The following TTC21B variants were observed in gnomAD, a reference collection of about 807,000 sequenced individuals.
TTC21B encodes the protein tetratricopeptide repeat protein 21B.
A neutral mutation model predicts 175.1 loss-of-function variants in TTC21B; 127 were observed. The observed-to-expected ratio is 0.73, with a 90% confidence interval of 0.63 to 0.84. TTC21B has a LOEUF of 0.84. TTC21B is among the 40% of genes least tolerant of loss of function. The probability of loss-of-function intolerance (pLI) is 0.00; values close to 1 mark genes in which losing one functional copy is unlikely to be tolerated. For synonymous variants in TTC21B, 524 were observed against 524.5 expected (o/e 1.00, Z 0.01); for missense variants, 1,561 against 1,558.3 (o/e 1.00, Z -0.03).
intron 22 of TTC21B, 124 bp downstream of exon 22, chr2:165,898,562 A>C: frequency 1.4e-6 from 1 of 733,050 alleles, no homozygotes; most frequent in Non-Finnish European, 2.5e-6. Context: ...CCATGTGTGG[A>C]ATAAACAGAC....
chr2:165,904,582 T>C (rs182591124), intron 19 of TTC21B, among the ~76,000 whole-genome samples: 85 of 152,332 alleles, frequency 5.6e-4, no homozygotes, highest in African/African-American at 1.8e-3. Context: ...ACTAGTATAG[T>C]ATCCTGGAAA....
chr2:165,903,760 T>G (rs1184170282), intron 19 of TTC21B, among the ~76,000 whole-genome samples: 1 of 152,214 alleles, frequency 6.6e-6, no homozygotes, highest in African/African-American at 2.4e-5. Flanking sequence ...GCAAAAACAC[T>G]ATGACAGAAC....
chr2:165,924,417 A>C (rs1032332528), intron 12 of TTC21B, 132 bp downstream of exon 12: 6 of 772,506 alleles, frequency 7.8e-6, no homozygotes, highest in Non-Finnish European at 1.2e-5. Context: ...GATTAAAATT[A>C]CTTATCTATG....
Position 165,953,755 on chromosome 2 carries a change from C to A in TTC21B, c.-50G>T. ...GGCTCTGGGGATTGTCTCGCCGCAG[C>A]CTAAAGGAAGACGCAGAATTCAGCT... is the stretch of plus-strand genomic sequence containing the variant. On this transcript the variant is annotated 5_prime_UTR_variant, in exon 1 of 29. Transcript: ENST00000243344. 6.5e-7 allele frequency: 1 copy of A among 1,546,794 alleles called. No homozygotes were observed. Among genetic ancestry groups the A allele is most frequent in the Non-Finnish European group, 8.7e-7 (1 of 1,145,460 alleles).
At chr2:165,921,544 A>G (rs1686405265) in intron 12 of TTC21B, among the ~76,000 whole-genome samples, 1 of 152,152 alleles carries the variant, frequency 6.6e-6, no homozygotes, top group African/African-American at 2.4e-5. Flanking sequence ...CTAGTAAATT[A>G]ATGAAACTGA....
intron 19 of TTC21B, among the ~76,000 whole-genome samples, chr2:165,902,848 T>C (rs1685613151): frequency 6.6e-6 from 1 of 152,220 alleles, no homozygotes; most frequent in African/African-American, 2.4e-5. Flanking sequence ...CCCTGAATTC[T>C]TGTACCTCTA....
rs747246700 is a variant in TTC21B, at chr2:165,899,861, C to T, written c.2777G>A (p.Arg926Gln). ...TDNKIMLELA[R>Q]LYLAQDDPDS... Reference sequence around the variant, plus strand: ...AGGGTCATCTTGTGCCAGGTATAATCGTGCCAGTTCCAACATAATCTGTAG... The same window carrying T: ...AGGGTCATCTTGTGCCAGGTATAATTGTGCCAGTTCCAACATAATCTGTAG... The change falls in exon 21 of 29, where the codon CGA becomes CAA. Residue 926 changes from arginine to glutamine, a missense_variant. Physicochemically the swap from Arg to Gln is conservative, Grantham distance 43 (BLOSUM62 1). Transcript: ENST00000243344. 62 of 1,612,598 alleles carry T rather than the reference C, an allele frequency of 3.8e-5. No homozygotes were observed. The Middle Eastern group carries it at 4.9e-4, about 13-fold the overall frequency.
chr2:165,947,274 A>G, intron 3 of TTC21B: 1 of 141,560 alleles, frequency 7.1e-6, no homozygotes, highest in South Asian at 2.4e-4. Flanking sequence ...TGCAATGAGG[A>G]AGAAGAAATG....
intron 6 of TTC21B, among the ~76,000 whole-genome samples, chr2:165,935,012 A>T (rs1559069997): frequency 6.6e-6 from 1 of 152,206 alleles, no homozygotes; most frequent in Non-Finnish European, 1.5e-5. Flanking sequence ...AAATAAAGTA[A>T]TATATGCCAT....
intron 7 of TTC21B, among the ~76,000 whole-genome samples, 200 bp downstream of exon 7, chr2:165,932,773 A>G (rs552359865): frequency 1.3e-5 from 2 of 152,166 alleles, no homozygotes; most frequent in South Asian, 2.1e-4. Context: ...ACTGTATAGT[A>G]TTTTTGCTTT....
Position 165,944,001 on chromosome 2 carries a change from T to TA in TTC21B, c.430-661dup, listed in dbSNP as rs1453079303. 3.9e-5 allele frequency among the ~76,000 whole-genome samples: 6 copies of TA among 152,226 alleles called. No homozygotes were observed. In the South Asian group the frequency reaches 8.3e-4, roughly 21 times the overall value. On this transcript the variant is annotated intron_variant, in intron 4 of 28. Coordinates refer to ENST00000243344, the MANE Select transcript of TTC21B (RefSeq NM_024753.5). ...AAACTGTGAAATGTGCTTTTTCTAT[T>TA]AAAAAAATCTAGGTTAACTGACAAA...
At chr2:165,929,487 A>G (rs949084777) in intron 10 of TTC21B, 152 bp from the exon 11 acceptor site, 20 of 940,562 alleles carry the variant, frequency 2.1e-5, no homozygotes, top group Non-Finnish European at 3.2e-5. Context: ...AATCATTCAG[A>G]AGAATAAAGT....
chr2:165,932,714 C>T (rs1686958271), intron 7 of TTC21B, among the ~76,000 whole-genome samples: 2 of 151,520 alleles, frequency 1.3e-5, no homozygotes, highest in Admixed American at 1.3e-4. Flanking sequence ...ATACAGAAAG[C>T]CATATATACT....
chr2:165,919,433 C>T lies in TTC21B; in HGVS notation c.1517G>A (p.Gly506Asp), dbSNP rs780857755. The T allele has an allele frequency of 1.2e-6, 2 of 1,613,612 alleles. No individual in the cohort carries two copies. The highest frequency in any genetic ancestry group is 1.1e-5 in the South Asian group (1 of 91,060). ...GTTATTGAAAGCTGCTTCAATATCA[C>T]CTAATAAGAAAAACAATGCATTGTT... is the stretch of plus-strand genomic sequence containing the variant. ...FLIAKVKYLS[G>D]DIEAAFNNLQ... The change falls in exon 13 of 29, where the codon GGT (glycine) becomes GAT (aspartate). Residue 506 changes from glycine to aspartate, a missense_variant and splice_region_variant. Physicochemically the swap from Gly to Asp is moderately conservative, Grantham distance 94. Transcript: ENST00000243344.
intron 15 of TTC21B, among the ~76,000 whole-genome samples, chr2:165,914,513 T>C (rs1030864578): frequency 1.3e-5 from 2 of 152,128 alleles, no homozygotes; most frequent in African/African-American, 4.8e-5. Flanking sequence ...CTTTTTGAGT[T>C]TGATATAATA....
chr2:165,888,337 T>G lies in TTC21B; in HGVS notation c.3401A>C (p.Lys1134Thr). The change falls in exon 25 of 29, where the codon AAA becomes ACA. Residue 1134 changes from lysine to threonine, a missense_variant. Physicochemically the swap from Lys to Thr is moderately conservative, Grantham distance 78. Transcript: ENST00000243344. Reference sequence around the variant, plus strand: ...TGCTTGTTCAACATTAGATTTCTGTTTGGTAGCCATTAAGCAATAGTTTTC... The same window carrying G: ...TGCTTGTTCAACATTAGATTTCTGTGTGGTAGCCATTAAGCAATAGTTTTC... ...IMENYCLMAT[K>T]QKSNVEQALN... The G allele has an allele frequency of 6.2e-7, 1 of 1,613,942 alleles. No individual in the cohort carries two copies. The highest frequency in any genetic ancestry group is 8.5e-7 in the Non-Finnish European group (1 of 1,179,884).
chr2:165,916,796 C>A (rs1574101810), intron 14 of TTC21B, among the ~76,000 whole-genome samples: 1 of 152,096 alleles, frequency 6.6e-6, no homozygotes, highest in African/African-American at 2.4e-5. Context: ...CAGGGGCTTA[C>A]AGGAAGTTTA....
intron 5 of TTC21B, among the ~76,000 whole-genome samples, chr2:165,941,826 T>C (rs1024430193): frequency 1.3e-5 from 2 of 152,240 alleles, no homozygotes; most frequent in African/African-American, 4.8e-5. Context: ...AAAATGATGA[T>C]ATAAATTTGT....
At chr2:165,943,946 T>G (rs1046844833) in intron 4 of TTC21B, among the ~76,000 whole-genome samples, 1 of 152,150 alleles carries the variant, frequency 6.6e-6, no homozygotes, top group Non-Finnish European at 1.5e-5. Flanking sequence ...AGATAAAAAC[T>G]GGTTATTTTT....
Sources: gnomAD v4.1 joint callset for allele counts (sites outside exome capture counted in the v4.1 genomes callset) on GRCh38, gnomAD v4.1.1 for gene constraint, MANE v1.5 for transcripts, NCBI Gene and HGNC (gene_info 2026-07-23, HGNC 2026-07-21) for gene names.